The following CENPP variants were observed in gnomAD, a reference collection of about 807,000 sequenced individuals.
The protein encoded by CENPP is centromere protein P.
In CENPP, 24 loss-of-function variants were observed where a neutral mutation model predicts 35.6. The observed-to-expected ratio is 0.67, with a 90% CI of 0.49 to 0.95. CENPP has a LOEUF of 0.95. CENPP is among the 40% of genes least tolerant of loss of function. The probability of loss-of-function intolerance (pLI) is 0.00; values close to 1 mark genes in which losing one functional copy is unlikely to be tolerated. For missense variants in CENPP, 332 were observed against 345.3 expected, an observed-to-expected ratio of 0.96 and a Z score of 0.31; for synonymous variants, 120 against 125.5, an observed-to-expected ratio of 0.96 and a Z score of 0.29.
At chr9:92,534,436 A>G (rs144388260) in intron 5 of CENPP, among the ~76,000 whole-genome samples, 1 of 152,328 alleles carries the variant, frequency 6.6e-6, no homozygotes, top group Non-Finnish European at 1.5e-5. Flanking sequence ...GGCAGTCTCT[A>G]AAGTATCTTC....
At chr9:92,426,728 C>T (rs1564314775) in intron 5 of CENPP, among the ~76,000 whole-genome samples, 3 of 151,918 alleles carry the variant, frequency 2.0e-5, no homozygotes, top group Admixed American at 6.6e-5. Context: ...AATAAATAAG[C>T]GAGGTGAGGT....
At chr9:92,574,530 A>C (rs1850232222) in intron 5 of CENPP, among the ~76,000 whole-genome samples, 1 of 152,264 alleles carries the variant, frequency 6.6e-6, no homozygotes, top group Non-Finnish European at 1.5e-5. Flanking sequence ...AAGAAGGTGA[A>C]AGATTTGTAC....
intron 5 of CENPP, chr9:92,496,532 G>A (rs766368490): frequency 6.4e-7 from 1 of 1,566,524 alleles, no homozygotes; most frequent in South Asian, 1.2e-5. Context: ...GTAATAATCT[G>A]CCTTTAGGAG....
upstream of CENPP, chr9:92,325,603 T>G: frequency 5.2e-6 from 1 of 192,358 alleles, no homozygotes; most frequent in East Asian, 1.5e-4. Flanking sequence ...AGAGAGGAAG[T>G]AGGTGAAAAA....
At chr9:92,329,615 A>AC (rs1324676055) in intron 1 of CENPP, among the ~76,000 whole-genome samples, 1 of 151,980 alleles carries the variant, frequency 6.6e-6, no homozygotes, top group Non-Finnish European at 1.5e-5. Flanking sequence ...ACTCACTGCA[A>AC]CCTTCACCCA....
intron 5 of CENPP, among the ~76,000 whole-genome samples, chr9:92,406,587 C>T (rs1477263832): frequency 6.6e-6 from 1 of 152,066 alleles, no homozygotes; most frequent in Non-Finnish European, 1.5e-5. Flanking sequence ...AGGAATTTGG[C>T]GTGTCTTTGC....
chr9:92,354,062 G>A (rs546737883), intron 4 of CENPP, among the ~76,000 whole-genome samples: 47 of 152,312 alleles, frequency 3.1e-4, no homozygotes, highest in African/African-American at 1.1e-3. Flanking sequence ...GCCCACTGCT[G>A]CACTTCTTTA....
At chr9:92,605,419 G>A (rs1218947678) in intron 5 of CENPP, among the ~76,000 whole-genome samples, 9 of 151,788 alleles carry the variant, frequency 5.9e-5, no homozygotes, top group African/African-American at 7.3e-5. Flanking sequence ...AGGAGTCTAG[G>A]GTAAATTTTG....
intron 4 of CENPP, among the ~76,000 whole-genome samples, chr9:92,367,495 A>G (rs1185160531): frequency 1.3e-5 from 2 of 152,176 alleles, no homozygotes; most frequent in African/African-American, 4.8e-5. Flanking sequence ...AAATGGTTCT[A>G]CAGGAGCCAT....
chr9:92,515,819 C>T (rs1454641262), intron 5 of CENPP, among the ~76,000 whole-genome samples: 2 of 152,216 alleles, frequency 1.3e-5, no homozygotes, highest in Non-Finnish European at 2.9e-5. Flanking sequence ...ATCATCTTTA[C>T]TACCTGAGAC....
At chr9:92,468,317 C>G (rs761431719) in intron 5 of CENPP, among the ~76,000 whole-genome samples, 1 of 152,214 alleles carries the variant, frequency 6.6e-6, no homozygotes, top group South Asian at 2.1e-4. Context: ...GCATGGTGAG[C>G]TGGCTGAGTG....
At chr9:92,442,502 T>G (rs189032809) in intron 5 of CENPP, among the ~76,000 whole-genome samples, 6 of 151,804 alleles carry the variant, frequency 4.0e-5, no homozygotes, top group East Asian at 1.9e-4. Context: ...CCCAGTGTGA[T>G]TCATAATATT....
Position 92,614,019 on chromosome 9 carries a change from G to A in CENPP, c.*870G>A, listed in dbSNP as rs1025152008. The A allele has an allele frequency of 6.6e-6, 1 of 152,314 alleles. No homozygotes were observed. The highest frequency in any genetic ancestry group is 2.4e-5 in the African/African-American group (1 of 41,458). The allele number at this position is 152,314 out of a possible 1,614,324, so 9.4% of individuals were successfully genotyped here. On this transcript the variant is annotated 3_prime_UTR_variant, in exon 8 of 8. Coordinates refer to ENST00000375587, the MANE Select transcript of CENPP (RefSeq NM_001012267.3). ...CGGCTCAGGGGCTCCTCACAGCCCGGGCTGGTGGGAGCCAAGACCAGACAG... is the reference window on the plus strand; with the variant it reads ...CGGCTCAGGGGCTCCTCACAGCCCGAGCTGGTGGGAGCCAAGACCAGACAG...
At chr9:92,367,315 C>T (rs766241683) in intron 4 of CENPP, among the ~76,000 whole-genome samples, 32 of 151,964 alleles carry the variant, frequency 2.1e-4, no homozygotes, top group Non-Finnish European at 3.5e-4. Context: ...TACAGGGGCA[C>T]GCCACCACAC....
At chr9:92,557,609 C>G (rs7029939) in intron 5 of CENPP, among the ~76,000 whole-genome samples, 57,258 of 151,780 alleles carry the variant, frequency 0.38, 13,392 homozygotes, top group African/African-American at 0.66. Context: ...TTGTTCAGTT[C>G]TATTGCTGAG....
chr9:92,437,304 T>A (rs1349555972), intron 5 of CENPP, among the ~76,000 whole-genome samples: 1 of 152,208 alleles, frequency 6.6e-6, no homozygotes, highest in East Asian at 1.9e-4. Context: ...TATTACACAT[T>A]GTAAGGGTTC....
intron 5 of CENPP, chr9:92,415,210 G>T (rs753804397): frequency 6.2e-7 from 1 of 1,613,338 alleles, no homozygotes; most frequent in African/African-American, 1.3e-5. Context: ...TTCTTGTTCT[G>T]GGCTCTCATG....
At position 92,434,816 on chromosome 9, in the gene CENPP, A is replaced by G. The variant is rs565243607; in HGVS notation, c.564+54957A>G. Reference sequence around the variant, plus strand: ...CCAGCACTTTGGGAGCCTGAAGCGGACGGATCACCTGAGGTCAGGAGTTCA... The same window carrying G: ...CCAGCACTTTGGGAGCCTGAAGCGGGCGGATCACCTGAGGTCAGGAGTTCA... On this transcript the variant is annotated intron_variant, in intron 5 of 7. Coordinates refer to ENST00000375587, the MANE Select transcript of CENPP (RefSeq NM_001012267.3). Among the ~76,000 whole-genome samples, 4 of 152,186 alleles carry G rather than the reference A, an allele frequency of 2.6e-5. No homozygotes were observed. In the South Asian group the frequency reaches 6.2e-4, roughly 24 times the overall value.
At chr9:92,610,634 G>A (rs1851212652) in intron 5 of CENPP, 1 of 152,232 alleles carries the variant, frequency 6.6e-6, no homozygotes, top group Non-Finnish European at 1.5e-5. Flanking sequence ...CTGCTTTTGG[G>A]AGGAGGCTTT....
Sources: allele counts gnomAD v4.1 joint callset (sites outside exome capture counted in the v4.1 genomes callset), GRCh38; gene constraint gnomAD v4.1.1; transcripts MANE v1.5; gene names NCBI Gene and HGNC (gene_info 2026-07-23, HGNC 2026-07-21).